EEFSEC: variants seen among roughly 807,000 people sequenced by gnomAD.
EEFSEC encodes the protein eukaryotic elongation factor, selenocysteine-tRNA specific.
A neutral mutation model predicts 42.1 loss-of-function variants in EEFSEC; 43 were observed. The ratio of observed to expected loss-of-function variants is 1.02; its 90% CI spans 0.80 to 1.32. EEFSEC has a LOEUF of 1.32. Among genes scored for constraint, EEFSEC ranks in the 40% most tolerant of loss-of-function variants. EEFSEC has a pLI of 0.00. For missense variants in EEFSEC, 745 were observed against 803.6 expected (o/e 0.93, Z 0.88); for synonymous variants, 354 against 339.1 (o/e 1.04, Z -0.48).
At chr3:128,170,698 C>G (rs1293867394) in intron 1 of EEFSEC, among the ~76,000 whole-genome samples, 1 of 152,102 alleles carries the variant, frequency 6.6e-6, no homozygotes, top group Non-Finnish European at 1.5e-5. Context: ...TTTTTTCCCT[C>G]TAGAATCAAA....
At chr3:128,392,686 C>T (rs942339963) in intron 6 of EEFSEC, among the ~76,000 whole-genome samples, 18 of 152,264 alleles carry the variant, frequency 1.2e-4, no homozygotes, top group Non-Finnish European at 2.6e-4. Flanking sequence ...CCCTTCCCAG[C>T]ATGCTGCCCA....
chr3:128,328,227 C>T (rs1338910292), intron 4 of EEFSEC, among the ~76,000 whole-genome samples: 1 of 152,236 alleles, frequency 6.6e-6, no homozygotes. Flanking sequence ...AGCATGCTCA[C>T]TGCTGACAGT....
chr3:128,314,234 A>C (rs1374284668), intron 4 of EEFSEC, among the ~76,000 whole-genome samples: 2 of 152,238 alleles, frequency 1.3e-5, no homozygotes, highest in Non-Finnish European at 2.9e-5. Context: ...AGCAGTTTTT[A>C]GGGAGTTATC....
At chr3:128,404,442 C>A (rs533170880) in intron 6 of EEFSEC, among the ~76,000 whole-genome samples, 1 of 152,372 alleles carries the variant, frequency 6.6e-6, no homozygotes, top group South Asian at 2.1e-4. Context: ...CCGATTGGGC[C>A]ACGCCTGTCT....
chr3:128,361,656 G>A (rs1298785186), intron 6 of EEFSEC, among the ~76,000 whole-genome samples: 1 of 152,228 alleles, frequency 6.6e-6, no homozygotes, highest in Non-Finnish European at 1.5e-5. Flanking sequence ...AGAGGGCTGG[G>A]GGACGGCCCC....
chr3:128,241,663 G>T (rs2066073083), intron 1 of EEFSEC, among the ~76,000 whole-genome samples: 1 of 152,194 alleles, frequency 6.6e-6, no homozygotes, highest in African/African-American at 2.4e-5. Context: ...ACATTGCAGA[G>T]TTGGTGTTGA....
At chr3:128,361,552 A>C (rs1003341158) in intron 6 of EEFSEC, among the ~76,000 whole-genome samples, 1 of 152,164 alleles carries the variant, frequency 6.6e-6, no homozygotes, top group African/African-American at 2.4e-5. Context: ...CGTAATATGC[A>C]AACAGTATGT....
At chr3:128,237,728 A>G (rs1412129133) in intron 1 of EEFSEC, among the ~76,000 whole-genome samples, 1 of 151,728 alleles carries the variant, frequency 6.6e-6, no homozygotes, top group Non-Finnish European at 1.5e-5. Context: ...AGGGCCATTT[A>G]TTTTTTGCCT....
chr3:128,352,503 C>T (rs1457602092), intron 5 of EEFSEC, among the ~76,000 whole-genome samples: 3 of 152,226 alleles, frequency 2.0e-5, no homozygotes, highest in Non-Finnish European at 4.4e-5. Context: ...GAGACAGGCA[C>T]ACAGGCTTCT....
intron 1 of EEFSEC, among the ~76,000 whole-genome samples, chr3:128,159,634 C>T (rs947313883): frequency 1.3e-5 from 2 of 152,152 alleles, no homozygotes; most frequent in African/African-American, 4.8e-5. Context: ...ATCCCATCAA[C>T]GACTGCTCCC....
At chr3:128,335,661 G>GTCACA (rs1020916344) in intron 4 of EEFSEC, among the ~76,000 whole-genome samples, 3 of 152,210 alleles carry the variant, frequency 2.0e-5, no homozygotes, top group Non-Finnish European at 4.4e-5. Flanking sequence ...AAACCCCAGG[G>GTCACA]TCACATCATC....
At chr3:128,205,481 C>A (rs757089202) in intron 1 of EEFSEC, among the ~76,000 whole-genome samples, 7 of 152,122 alleles carry the variant, frequency 4.6e-5, no homozygotes, top group African/African-American at 7.2e-5. Flanking sequence ...AGGGTGTGTT[C>A]CCTCCCACAA....
intron 6 of EEFSEC, chr3:128,367,864 C>T (rs561193938): frequency 9.1e-6 from 9 of 984,180 alleles, no homozygotes; most frequent in Non-Finnish European, 1.1e-5. Context: ...GCACTGGTGA[C>T]GCGTGCTGAC....
chr3:128,373,442 G>A (rs2067675495), intron 6 of EEFSEC, among the ~76,000 whole-genome samples: 1 of 152,200 alleles, frequency 6.6e-6, no homozygotes, highest in South Asian at 2.1e-4. Context: ...GGCACCCAGG[G>A]CCACTCCTGG....
intron 4 of EEFSEC, among the ~76,000 whole-genome samples, chr3:128,325,205 G>A (rs1027169289): frequency 6.6e-6 from 1 of 152,168 alleles, no homozygotes; most frequent in African/African-American, 2.4e-5. Context: ...TGGGGAAGGG[G>A]GAAGGGGGAA....
the EEFSEC span, among the ~76,000 whole-genome samples, chr3:128,417,300 C>T: frequency 6.6e-6 from 1 of 152,144 alleles, no homozygotes; most frequent in Non-Finnish European, 1.5e-5. This position sits in a 1 kb window ranked among gnomAD's most constrained non-coding sequence, Gnocchi z 4.3. Context: ...TCCCTGACCT[C>T]CTCTGCCATC....
intron 4 of EEFSEC, among the ~76,000 whole-genome samples, chr3:128,313,467 G>T (rs757709298): frequency 3.9e-5 from 6 of 152,238 alleles, no homozygotes; most frequent in Non-Finnish European, 7.3e-5. Flanking sequence ...CAGAGCCCAG[G>T]CATCCCTGTC....
At chr3:128,244,159 C>T (rs367834733) in intron 1 of EEFSEC, among the ~76,000 whole-genome samples, 6 of 152,330 alleles carry the variant, frequency 3.9e-5, no homozygotes, top group East Asian at 3.9e-4. Context: ...GGGCCCCCAA[C>T]GTGTTCCTCC....
At chr3:128,279,990 C>A (rs1280397403) in intron 4 of EEFSEC, among the ~76,000 whole-genome samples, 2 of 152,228 alleles carry the variant, frequency 1.3e-5, no homozygotes, top group Non-Finnish European at 2.9e-5. Context: ...TGGTGCAGAT[C>A]TATGTGGAAA....
Sources: allele counts gnomAD v4.1 joint callset (sites outside exome capture counted in the v4.1 genomes callset), GRCh38; gene constraint gnomAD v4.1.1; non-coding constraint Gnocchi (gnomAD v3.1); transcripts MANE v1.5; gene names NCBI Gene and HGNC (gene_info 2026-07-23, HGNC 2026-07-21).